ARSB: variants seen among roughly 807,000 people sequenced by gnomAD.
ARSB encodes arylsulfatase B.
A neutral mutation model predicts 50.9 loss-of-function variants in ARSB; 41 were observed. The observed-to-expected ratio is 0.81, with a 90% CI of 0.63 to 1.04. The LOEUF is 1.04. Ranked by LOEUF, ARSB falls within the 50% of genes least tolerant of loss-of-function variation. The probability of loss-of-function intolerance (pLI) is 0.00; values close to 1 mark genes in which losing one functional copy is unlikely to be tolerated. For synonymous variants in ARSB, 269 were observed against 284.8 expected, an observed-to-expected ratio of 0.94 and a Z score of 0.56; for missense variants, 672 against 693.3, an observed-to-expected ratio of 0.97 and a Z score of 0.35.
intron 2 of ARSB, among the ~76,000 whole-genome samples, chr5:78,966,513 C>A (rs557040524): frequency 3.7e-4 from 57 of 152,328 alleles, no homozygotes; most frequent in African/African-American, 1.3e-3. Flanking sequence ...GTGCAACTAT[C>A]CCACCATCAC....
intron 4 of ARSB, among the ~76,000 whole-genome samples, chr5:78,895,181 G>A (rs919439766): frequency 2.8e-4 from 43 of 152,332 alleles, no homozygotes; most frequent in African/African-American, 1.0e-3. Context: ...GGTGTCTGGT[G>A]TCCTAATTTT....
chr5:78,884,072 G>A (rs921579533), intron 5 of ARSB: 1 of 152,248 alleles, frequency 6.6e-6, no homozygotes, highest in East Asian at 1.9e-4. Context: ...CTAAATGAGT[G>A]CAGTGGATCT....
At position 78,794,050 on chromosome 5, in the gene ARSB, G is replaced by C. The variant is rs187061684; in HGVS notation, c.1214-12076C>G. On this transcript the variant is annotated intron_variant, in intron 6 of 7. Transcript: ENST00000264914. The stretch of plus-strand genomic sequence containing the variant: ...GGCCCCAGAAATTCTCAAGTTATAT[G>C]GTTTCTGCTGCAACCTTAACTTGAG... Among the ~76,000 whole-genome samples, 10 of 152,192 alleles carry C rather than the reference G, an allele frequency of 6.6e-5. No individual in the cohort carries two copies. In the South Asian group the frequency reaches 1.2e-3, roughly 19 times the overall value.
At chr5:78,853,724 T>TCC (rs1745981357) in intron 5 of ARSB, among the ~76,000 whole-genome samples, 1 of 152,260 alleles carries the variant, frequency 6.6e-6, no homozygotes, top group Non-Finnish European at 1.5e-5. Flanking sequence ...AGTTTGAGCT[T>TCC]CCTGGCTGCT....
intron 4 of ARSB, among the ~76,000 whole-genome samples, chr5:78,933,232 AC>A (rs1489730370): frequency 6.6e-6 from 1 of 152,196 alleles, no homozygotes; most frequent in Non-Finnish European, 1.5e-5. Flanking sequence ...TCAAATATAT[AC>A]CCATGGATTG....
At chr5:78,861,964 A>C (rs557903850) in intron 5 of ARSB, among the ~76,000 whole-genome samples, 74 of 152,336 alleles carry the variant, frequency 4.9e-4, no homozygotes, top group African/African-American at 1.7e-3. Context: ...ATTCCTATAC[A>C]CAAATAACAG....
chr5:78,808,422 C>G (rs529301261), intron 6 of ARSB, among the ~76,000 whole-genome samples: 4 of 152,208 alleles, frequency 2.6e-5, no homozygotes, highest in African/African-American at 9.6e-5. Context: ...CACAATAATT[C>G]CCTAATAGCC....
intron 4 of ARSB, among the ~76,000 whole-genome samples, chr5:78,911,867 G>A (rs1749327904): frequency 6.6e-6 from 1 of 152,120 alleles, no homozygotes; most frequent in African/African-American, 2.4e-5. Context: ...CTAGTTAGGG[G>A]CAAATCCACT....
chr5:78,983,287 C>A (rs1333963255), intron 1 of ARSB, among the ~76,000 whole-genome samples: 1 of 152,118 alleles, frequency 6.6e-6, no homozygotes, highest in Non-Finnish European at 1.5e-5. Context: ...CTCCTGACCT[C>A]AGGTGATCCA....
intron 4 of ARSB, among the ~76,000 whole-genome samples, chr5:78,936,378 C>T (rs1053509081): frequency 3.3e-5 from 5 of 151,610 alleles, no homozygotes; most frequent in Admixed American, 3.3e-4. Flanking sequence ...CCTGCCTCTG[C>T]CTCCCAAAGT....
rs142387517 is a variant in ARSB, at chr5:78,809,539, G to A, written c.1214-27565C>T. Among the ~76,000 whole-genome samples, 10 of 152,342 alleles carry A rather than the reference G, an allele frequency of 6.6e-5. No individual in the cohort carries two copies. The East Asian group carries it at 1.9e-3, about 29-fold the overall frequency. ...TCCTGGAGCACGTTCAGGGAGGAGG[G>A]CAGGAGCCAGGTCTGGCTCAGCTCC... On this transcript the variant is annotated intron_variant, in intron 6 of 7. Transcript: ENST00000264914.
At position 78,777,785 on chromosome 5, in the gene ARSB, G is replaced by A. The variant is rs951121288; in HGVS notation, c.*2612C>T. 1 of 148,780 alleles carries A rather than the reference G, an allele frequency of 6.7e-6. No individual in the cohort carries two copies. The allele number at this position is 148,780 out of a possible 1,614,324, so 9.2% of individuals were successfully genotyped here. On this transcript the variant is annotated 3_prime_UTR_variant, in exon 8 of 8. Coordinates refer to ENST00000264914, the MANE Select transcript of ARSB (RefSeq NM_000046.5). The stretch of plus-strand genomic sequence containing the variant: ...GAGAATAGCTTGAACCTGGGAGTTA[G>A]AGGCTGCAGTGAGCCGAGATCACAC...
In ARSB at chr5:78,868,288, T is replaced by C. The variant is rs1298554851; in HGVS notation, c.1142+17296A>G. On this transcript the variant is annotated intron_variant, in intron 5 of 7. Transcript: ENST00000264914. ...CCCAATCTAGCAAGGCAGGCCAACGTTCAGATTCAGGAAATACAGAGAACG... is the reference window on the plus strand; with the variant it reads ...CCCAATCTAGCAAGGCAGGCCAACGCTCAGATTCAGGAAATACAGAGAACG... Among the ~76,000 whole-genome samples, 216 of 121,078 alleles carry C rather than the reference T, an allele frequency of 1.8e-3. 1 individual carries two copies. The highest frequency in any genetic ancestry group is 3.8e-3 in the Middle Eastern group (1 of 264). 79.4% of individuals were successfully genotyped at this position (121,078 alleles called of 152,430 possible). A position where few individuals can be genotyped will look rare whatever the true frequency, so the allele number is the denominator to read the frequency against.
intron 1 of ARSB, among the ~76,000 whole-genome samples, chr5:78,973,116 A>G (rs529226851): frequency 5.6e-4 from 86 of 152,332 alleles, no homozygotes; most frequent in South Asian, 1.0e-3. Context: ...CCATGCTGCA[A>G]GGGGCAGGAA....
intron 4 of ARSB, among the ~76,000 whole-genome samples, chr5:78,944,563 G>T (rs1190279559): frequency 6.6e-6 from 1 of 152,168 alleles, no homozygotes; most frequent in Non-Finnish European, 1.5e-5. Context: ...TGTTTGCCTG[G>T]GTATCAGCAG....
intron 6 of ARSB, among the ~76,000 whole-genome samples, chr5:78,834,856 C>A (rs1744875596): frequency 6.6e-6 from 1 of 151,766 alleles, no homozygotes; most frequent in South Asian, 2.1e-4. Context: ...TGAGTAATCA[C>A]ACAATGTTAT....
At chr5:78,835,495 T>C (rs1418428823) in intron 6 of ARSB, among the ~76,000 whole-genome samples, 2 of 152,016 alleles carry the variant, frequency 1.3e-5, no homozygotes, top group East Asian at 1.9e-4. Context: ...AAAGAGGAGA[T>C]AGAAAAGCGG....
At chr5:78,912,282 A>G (rs927276562) in intron 4 of ARSB, among the ~76,000 whole-genome samples, 2 of 152,238 alleles carry the variant, frequency 1.3e-5, no homozygotes, top group African/African-American at 4.8e-5. Flanking sequence ...GATCACAGGC[A>G]GGCTCTTCTC....
chr5:78,968,315 T>TTTATTATTATTA (rs138887783), intron 2 of ARSB, among the ~76,000 whole-genome samples: 1 of 143,128 alleles, frequency 7.0e-6, no homozygotes, highest in Non-Finnish European at 1.5e-5. Context: ...CATTTTTTAT[T>TTTATTATTATTA]TTATTATTAT....
Sources: gnomAD v4.1 joint callset for allele counts (sites outside exome capture counted in the v4.1 genomes callset) on GRCh38, gnomAD v4.1.1 for gene constraint, MANE v1.5 for transcripts, NCBI Gene and HGNC (gene_info 2026-07-23, HGNC 2026-07-21) for gene names.